EPHA5: variants seen among roughly 807,000 people sequenced by gnomAD.
The protein encoded by EPHA5 is ephrin type-A receptor 5.
In EPHA5, 60 loss-of-function variants were observed where a neutral mutation model predicts 105.0. The ratio of observed to expected loss-of-function variants is 0.57; its 90% CI spans 0.46 to 0.71. EPHA5 has a LOEUF of 0.71. Among genes scored for constraint, EPHA5 ranks in the 30% least tolerant of loss-of-function variants. The pLI is 0.00. For synonymous variants in EPHA5, 513 were observed against 449.1 expected (o/e 1.14, Z -1.80); for missense variants, 1,218 against 1,274.7 (o/e 0.96, Z 0.68).
intron 5 of EPHA5, among the ~76,000 whole-genome samples, chr4:65,482,302 A>C (rs1281456870): frequency 6.6e-6 from 1 of 151,986 alleles, no homozygotes; most frequent in East Asian, 1.9e-4. Flanking sequence ...AAAAAAAAAA[A>C]AAAACAACCT....
chr4:65,663,124 GAA>G (rs1303034616), intron 1 of EPHA5, among the ~76,000 whole-genome samples: 1 of 152,138 alleles, frequency 6.6e-6, no homozygotes, highest in African/African-American at 2.4e-5. Flanking sequence ...AAGAGCTACA[GAA>G]AAGTTTAATT....
chr4:65,411,644 T>C (rs1160049683), intron 7 of EPHA5, among the ~76,000 whole-genome samples: 1 of 152,122 alleles, frequency 6.6e-6, no homozygotes, highest in Non-Finnish European at 1.5e-5. Flanking sequence ...TACCAATAGG[T>C]TGGGAAATAA....
rs542624069 is a variant in EPHA5 at position 65,620,896 on chromosome 4, G to A, written c.247-18592C>T. 3.3e-5 allele frequency among the ~76,000 whole-genome samples: 5 copies of A among 152,266 alleles called. No homozygotes were observed. In the East Asian group the frequency reaches 7.7e-4, roughly 24 times the overall value. On this transcript the variant is annotated intron_variant, in intron 2 of 16. Transcript: ENST00000613740. ...CATATGTGAGAAAAAGTGGAAAACT[G>A]CAAGTGGTATGGCCTTTCCTTCTCA...
At chr4:65,399,658 A>G (rs1451164) in intron 8 of EPHA5, among the ~76,000 whole-genome samples, 121,770 of 152,194 alleles carry the variant, frequency 0.8, 49,128 homozygotes, top group South Asian at 0.92. Flanking sequence ...ATATGCAAGA[A>G]CATGTGCAAA....
At chr4:65,669,267 A>T (rs922989271) in intron 1 of EPHA5, among the ~76,000 whole-genome samples, 9 of 150,376 alleles carry the variant, frequency 6.0e-5, no homozygotes, top group Non-Finnish European at 1.3e-4. Context: ...TCCATTCCCC[A>T]AAGGAGGCCT....
In EPHA5 at chr4:65,351,426, A is replaced by G. The variant is rs758578574; in HGVS notation, c.2408T>C (p.Val803Ala). The change falls in exon 13 of 17, where the codon GTA becomes GCA. Residue 803 changes from valine to alanine, a missense_variant. Coordinates refer to ENST00000613740, the MANE Select transcript of EPHA5 (RefSeq NM_001281766.3). ...CKVSDFGLSR[V>A]LEDDPEAAYT... ...GGCTGCCTCGGGATCATCTTCCAGT[A>G]CCCGGGAAAGTCCAAAGTCAGACAC... The G allele has an allele frequency of 1.2e-6, 2 of 1,611,274 alleles. No homozygotes were observed. The highest frequency in any genetic ancestry group is 2.2e-5 in the South Asian group (2 of 91,036).
chr4:65,445,650 A>G (rs1726448138), intron 5 of EPHA5, among the ~76,000 whole-genome samples: 3 of 152,108 alleles, frequency 2.0e-5, no homozygotes, highest in Admixed American at 2.0e-4. Flanking sequence ...CTTTTTTCCT[A>G]TAGGTTGGTG....
chr4:65,569,323 T>C lies in EPHA5; in HGVS notation c.910+32318A>G, dbSNP rs140797501. On this transcript the variant is annotated intron_variant, in intron 3 of 16. Transcript: ENST00000613740. ...TTTGTTTTATCTTAATTAGTACAAT[T>C]ATTTCCTAAGTGTTCTTTTAAAAGA... 2.4e-3 allele frequency among the ~76,000 whole-genome samples: 359 copies of C among 151,724 alleles called. 2 individuals are homozygous for C. Among genetic ancestry groups the C allele is most frequent in the African/African-American group, 8.0e-3 (332 of 41,540 alleles).
intron 3 of EPHA5, among the ~76,000 whole-genome samples, chr4:65,513,462 C>T (rs1273592919): frequency 6.6e-6 from 1 of 152,104 alleles, no homozygotes; most frequent in Non-Finnish European, 1.5e-5. Context: ...TCTTGGCTCA[C>T]TTCAACCTCC....
chr4:65,560,592 A>G (rs1447809202), intron 3 of EPHA5, among the ~76,000 whole-genome samples: 1 of 152,062 alleles, frequency 6.6e-6, no homozygotes, highest in East Asian at 1.9e-4. Flanking sequence ...TCTAGGAGAG[A>G]TAGGGGAAGC....
intron 1 of EPHA5, among the ~76,000 whole-genome samples, chr4:65,649,690 T>C (rs1052402361): frequency 5.3e-5 from 8 of 152,314 alleles, no homozygotes; most frequent in African/African-American, 1.9e-4. Context: ...TAATCCATTA[T>C]AATCTGGCTT....
intron 3 of EPHA5, among the ~76,000 whole-genome samples, chr4:65,533,700 C>T (rs1244712226): frequency 6.6e-6 from 1 of 151,948 alleles, no homozygotes; most frequent in Admixed American, 6.6e-5. Context: ...TTTGGGAGGC[C>T]GAGGTGGGCG....
chr4:65,483,113 T>C (rs1016956407), intron 5 of EPHA5, among the ~76,000 whole-genome samples: 4 of 152,148 alleles, frequency 2.6e-5, no homozygotes, highest in African/African-American at 9.7e-5. Flanking sequence ...ATGTGGTGTT[T>C]GGTTTTCTGT....
intron 1 of EPHA5, among the ~76,000 whole-genome samples, chr4:65,661,022 A>G (rs578260360): frequency 1.3e-5 from 2 of 152,124 alleles, no homozygotes; most frequent in South Asian, 4.2e-4. Flanking sequence ...TACAACCTAT[A>G]TTTGTGTATT....
chr4:65,599,472 C>G (rs1743499108), intron 3 of EPHA5, among the ~76,000 whole-genome samples: 1 of 152,032 alleles, frequency 6.6e-6, no homozygotes, highest in Non-Finnish European at 1.5e-5. Flanking sequence ...TGTATTTATT[C>G]ATTCAATGAG....
At chr4:65,506,052 C>A (rs930792005) in intron 3 of EPHA5, among the ~76,000 whole-genome samples, 1 of 152,088 alleles carries the variant, frequency 6.6e-6, no homozygotes, top group Non-Finnish European at 1.5e-5. Context: ...TTCCTGTGTC[C>A]ATGTGTTGTC....
At chr4:65,358,478 A>C (rs115018478) in intron 11 of EPHA5, among the ~76,000 whole-genome samples, 2,824 of 151,658 alleles carry the variant, frequency 0.019, 83 homozygotes, top group African/African-American at 0.064. Flanking sequence ...GCAGCTGTTT[A>C]AAATGTCTTT....
At chr4:65,515,952 C>T (rs1345691548) in intron 3 of EPHA5, among the ~76,000 whole-genome samples, 1 of 152,154 alleles carries the variant, frequency 6.6e-6, no homozygotes, top group East Asian at 1.9e-4. Flanking sequence ...TGCCCTTGGA[C>T]ATCAGAGCTC....
intron 3 of EPHA5, among the ~76,000 whole-genome samples, chr4:65,515,465 T>C (rs1734018756): frequency 6.6e-6 from 1 of 152,128 alleles, no homozygotes; most frequent in South Asian, 2.1e-4. Flanking sequence ...AATCTTCCAA[T>C]CTATTAAGAA....
Sources: gnomAD v4.1 joint callset for allele counts (sites outside exome capture counted in the v4.1 genomes callset) on GRCh38, gnomAD v4.1.1 for gene constraint, MANE v1.5 for transcripts, NCBI Gene and HGNC (gene_info 2026-07-23, HGNC 2026-07-21) for gene names.